COMMD8: variants seen among roughly 807,000 people sequenced by gnomAD.
The protein encoded by COMMD8 is COMM domain containing 8.
In COMMD8, 28 loss-of-function variants were observed where a neutral mutation model predicts 27.2. The observed-to-expected ratio is 1.03, with a 90% CI of 0.76 to 1.41. The LOEUF (loss-of-function observed/expected upper bound fraction) is 1.41, where lower values mean the gene tolerates loss of function less well. COMMD8 is among the 40% of genes most tolerant of loss of function. COMMD8 has a pLI of 0.00. For missense variants in COMMD8, 217 were observed against 211.2 expected (o/e 1.03, Z -0.17); for synonymous variants, 79 against 75.5 (o/e 1.05, Z -0.24).
chr4:47,459,226 G>T (rs1012302478), intron 2 of COMMD8, among the ~76,000 whole-genome samples: 2 of 151,976 alleles, frequency 1.3e-5, no homozygotes, highest in African/African-American at 4.8e-5. Context: ...CATAATAGAA[G>T]ATATTTAAAA....
chr4:47,462,572 A>C (rs1241143739), intron 1 of COMMD8, among the ~76,000 whole-genome samples: 1 of 152,148 alleles, frequency 6.6e-6, no homozygotes, highest in Non-Finnish European at 1.5e-5. Context: ...TAGAGGAAGA[A>C]ATTTTTGGCT....
intron 2 of COMMD8, chr4:47,459,942 G>A: frequency 2.2e-6 from 1 of 445,692 alleles, no homozygotes; most frequent in East Asian, 3.7e-5. Flanking sequence ...TCTTCTGTAT[G>A]TTTTAAATGT....
chr4:47,453,742 C>T lies in COMMD8; in HGVS notation c.376-528G>A, dbSNP rs573880011. 3.9e-5 allele frequency among the ~76,000 whole-genome samples: 6 copies of T among 152,288 alleles called. No homozygotes were observed. The South Asian group carries it at 1.2e-3, about 32-fold the overall frequency. On this transcript the variant is annotated intron_variant, in intron 3 of 4. Coordinates refer to ENST00000381571, the MANE Select transcript of COMMD8 (RefSeq NM_017845.5). ...ATTTACCTCACTTCTTAATTTCTTT[C>T]TCTGGAATATATCCTAGGGGAATTG...
intron 3 of COMMD8, among the ~76,000 whole-genome samples, chr4:47,453,799 C>T (rs1030709031): frequency 2.6e-5 from 4 of 152,170 alleles, no homozygotes; most frequent in Non-Finnish European, 5.9e-5. Flanking sequence ...ACTAATACTT[C>T]TTGAAATGAG....
chr4:47,463,696 C>G lies in COMMD8; in HGVS notation c.-45G>C, dbSNP rs1730139877. The G allele has an allele frequency of 3.3e-6, 5 of 1,517,314 alleles. No individual in the cohort carries two copies. Among genetic ancestry groups the G allele is most frequent in the Non-Finnish European group, 4.4e-6 (5 of 1,127,164 alleles). 94.0% of individuals were successfully genotyped at this position (1,517,314 alleles called of 1,614,324 possible). ...TTGGGTCACGTGTCAAGGCTGGCCG[C>G]TTGTCTAAAGCTACGACTCGCCCAC... On this transcript the variant is annotated 5_prime_UTR_variant, in exon 1 of 5. Transcript: ENST00000381571.
chr4:47,457,525 CTG>C (rs2109356117), intron 2 of COMMD8, among the ~76,000 whole-genome samples: 1 of 152,232 alleles, frequency 6.6e-6, no homozygotes, highest in South Asian at 2.1e-4. Flanking sequence ...CACCTGACAA[CTG>C]TACACATTAT....
At chr4:47,456,964 C>T (rs2109355766) in intron 2 of COMMD8, among the ~76,000 whole-genome samples, 1 of 152,244 alleles carries the variant, frequency 6.6e-6, no homozygotes, top group Non-Finnish European at 1.5e-5. Flanking sequence ...AATGAATACA[C>T]CTGGAAAACA....
intron 3 of COMMD8, among the ~76,000 whole-genome samples, chr4:47,456,363 ATATT>A (rs1227747072): frequency 1.3e-5 from 2 of 148,400 alleles, no homozygotes; most frequent in Non-Finnish European, 3.0e-5. Flanking sequence ...AGATCTAATT[ATATT>A]TATTATCAAT....
chr4:47,452,963 C>T (rs1729790062), intron 4 of COMMD8, 96 bp downstream of exon 4: 2 of 1,135,204 alleles, frequency 1.8e-6, no homozygotes, highest in Non-Finnish European at 2.5e-6. Flanking sequence ...GCCGTTGCCC[C>T]TCCAGCCTGG....
chr4:47,463,215 A>G (rs1017914635), intron 1 of COMMD8, among the ~76,000 whole-genome samples: 2 of 152,178 alleles, frequency 1.3e-5, no homozygotes, highest in Admixed American at 1.3e-4. Context: ...GTCACATTGT[A>G]TTCCAGCACC....
chr4:47,452,243 T>A (rs573138289), intron 4 of COMMD8, among the ~76,000 whole-genome samples: 1 of 152,368 alleles, frequency 6.6e-6, no homozygotes, highest in African/African-American at 2.4e-5. Context: ...CACTCCATTG[T>A]AAATGTGAAG....
At chr4:47,461,852 C>A (rs1297733954) in intron 1 of COMMD8, among the ~76,000 whole-genome samples, 10 of 152,106 alleles carry the variant, frequency 6.6e-5, no homozygotes, top group Non-Finnish European at 1.2e-4. Flanking sequence ...TTAGTCCATT[C>A]GAAAAAGGCA....
At chr4:47,462,607 G>A (rs1425434428) in intron 1 of COMMD8, among the ~76,000 whole-genome samples, 1 of 152,080 alleles carries the variant, frequency 6.6e-6, no homozygotes, top group East Asian at 1.9e-4. Context: ...AGAAGTCATC[G>A]ACATATATGG....
rs1730128622 is a variant in COMMD8 at position 47,463,579 on chromosome 4, C to T, written c.66+7G>A. On this transcript the variant is annotated splice_region_variant and intron_variant, in intron 1 of 4. Transcript: ENST00000381571. ...CCCGCGCCGCTTCCCCCGGTACCCG[C>T]CCTCACCTGCGGGCCCAGCTCGGCC... 5 of 1,543,774 alleles carry T rather than the reference C, an allele frequency of 3.2e-6. No homozygotes were observed. Among genetic ancestry groups the T allele is most frequent in the Admixed American group, 2.0e-5 (1 of 50,858 alleles).
At chr4:47,456,856 A>G in intron 2 of COMMD8, 127 bp from the exon 3 acceptor site, 1 of 670,870 alleles carries the variant, frequency 1.5e-6, no homozygotes, top group Non-Finnish European at 2.3e-6. Flanking sequence ...AACTATAAAA[A>G]AGAGTAAGAT....
At position 47,451,573 on chromosome 4, in the gene COMMD8, A is replaced by G; in HGVS notation, c.*72T>C. 8.6e-7 allele frequency: 1 copy of G among 1,159,600 alleles called. No homozygotes were observed. Among genetic ancestry groups the G allele is most frequent in the Non-Finnish European group, 1.3e-6 (1 of 775,230 alleles). 71.8% of individuals were successfully genotyped at this position (1,159,600 alleles called of 1,614,324 possible). On this transcript the variant is annotated 3_prime_UTR_variant, in exon 5 of 5. Coordinates refer to ENST00000381571, the MANE Select transcript of COMMD8 (RefSeq NM_017845.5). The stretch of plus-strand genomic sequence containing the variant: ...AGTCAAGACATCACAAGGTTTCTGA[A>G]CACGCAGTATTCACTCTGCCATATA...
rs766344933 is a variant in COMMD8, at chr4:47,453,228, G to T, written c.376-14C>A. ...GGAAAGTGCAAGCTGTTTAAAATCAGAAAAATAGCAATTAATAAATAGTAA... is the reference window on the plus strand; with the variant it reads ...GGAAAGTGCAAGCTGTTTAAAATCATAAAAATAGCAATTAATAAATAGTAA... On this transcript the variant is annotated splice_polypyrimidine_tract_variant and intron_variant, in intron 3 of 4. Transcript: ENST00000381571. The T allele has an allele frequency of 6.2e-7, 1 of 1,605,614 alleles. No individual in the cohort carries two copies. The highest frequency in any genetic ancestry group is 1.1e-5 in the South Asian group (1 of 90,424).
chr4:47,458,963 G>A (rs147994934), intron 2 of COMMD8, among the ~76,000 whole-genome samples: 242 of 152,084 alleles, frequency 1.6e-3, no homozygotes, highest in African/African-American at 5.6e-3. Flanking sequence ...TATTAATGTA[G>A]AAAATTGTGA....
At chr4:47,452,979 A>T in intron 4 of COMMD8, 80 bp downstream of exon 4, 2 of 1,264,806 alleles carry the variant, frequency 1.6e-6, no homozygotes, top group Non-Finnish European at 2.2e-6. Context: ...CCTGGGTGAC[A>T]GAGTGAGACT....
Sources: gnomAD v4.1 joint callset for allele counts (sites outside exome capture counted in the v4.1 genomes callset) on GRCh38, gnomAD v4.1.1 for gene constraint, MANE v1.5 for transcripts, NCBI Gene and HGNC (gene_info 2026-07-23, HGNC 2026-07-21) for gene names.